Variants in FCHO2 observed in about 807,000 individuals in gnomAD.
The protein encoded by FCHO2 is FCH and mu domain containing endocytic adaptor 2.
FCHO2 carries 43 observed loss-of-function variants against 114.1 expected under a neutral mutation model. The observed-to-expected ratio is 0.38, with a 90% confidence interval of 0.30 to 0.49. The LOEUF (loss-of-function observed/expected upper bound fraction) is 0.49. Among genes scored for constraint, FCHO2 ranks in the 20% least tolerant of loss-of-function variants. FCHO2 has a pLI of 0.97. For synonymous variants in FCHO2, 293 were observed against 315.2 expected (o/e 0.93, Z 0.75); for missense variants, 807 against 950.4 (o/e 0.85, Z 1.98).
At chr5:72,972,181 C>T (rs986124387) in intron 2 of FCHO2, among the ~76,000 whole-genome samples, 27 of 151,950 alleles carry the variant, frequency 1.8e-4, no homozygotes, top group East Asian at 1.4e-3. Flanking sequence ...CTTGGCGATG[C>T]GGGCTCTTTT....
intron 18 of FCHO2, among the ~76,000 whole-genome samples, chr5:73,064,837 CTTCT>C (rs1410672139): frequency 2.6e-5 from 4 of 152,022 alleles, no homozygotes; most frequent in African/African-American, 7.2e-5. Context: ...CACAAATTGA[CTTCT>C]TTCTTTAAGA....
chr5:72,968,651 A>G (rs1325829536), intron 2 of FCHO2, 62 bp downstream of exon 2: 3 of 1,173,726 alleles, frequency 2.6e-6, no homozygotes, highest in Non-Finnish European at 3.5e-6. Flanking sequence ...ATTTTAGAAT[A>G]TAAATAATGG....
chr5:73,020,519 C>T (rs1160109217), intron 8 of FCHO2, among the ~76,000 whole-genome samples: 1 of 152,134 alleles, frequency 6.6e-6, no homozygotes, highest in Non-Finnish European at 1.5e-5. Flanking sequence ...CTGTAATGCC[C>T]TGTTTATGCA....
chr5:73,008,322 TAGTC>T (rs777109130), intron 6 of FCHO2, among the ~76,000 whole-genome samples: 74 of 152,126 alleles, frequency 4.9e-4, no homozygotes, highest in Non-Finnish European at 8.8e-4. Flanking sequence ...GTCAGTATAG[TAGTC>T]AGGTGAGAAG....
chr5:73,082,101 A>G (rs1743114236), intron 23 of FCHO2, 119 bp downstream of exon 23: 1 of 786,052 alleles, frequency 1.3e-6, no homozygotes, highest in African/African-American at 1.8e-5. Context: ...CTTTTTCCAT[A>G]GAAACCACGC....
In FCHO2 at chr5:73,082,087, G is replaced by A. The variant is rs1209858557; in HGVS notation, c.2180+105G>A. Reference sequence around the variant, plus strand: ...TTTCTTAGAAGTTTGAAAAATTTTTGTGCCTTTTTCCATAGAAACCACGCT... The same window carrying A: ...TTTCTTAGAAGTTTGAAAAATTTTTATGCCTTTTTCCATAGAAACCACGCT... On this transcript the variant is annotated intron_variant, in intron 23 of 25. Coordinates refer to ENST00000430046, the MANE Select transcript of FCHO2 (RefSeq NM_138782.3). 20 of 1,095,932 alleles carry A rather than the reference G, an allele frequency of 1.8e-5. No individual in the cohort carries two copies. In the Admixed American group the frequency reaches 2.1e-4, roughly 12 times the overall value. The allele number at this position is 1,095,932 out of a possible 1,614,324, so 67.9% of individuals were successfully genotyped here.
At position 73,041,307 on chromosome 5, in the gene FCHO2, G is replaced by C; in HGVS notation, c.931G>C (p.Asp311His). ...DAESVECPDA[D>H]SLNIPDVDEE... ...TTTTAATAGGGAATGTCCTGATGCA[G>C]ATTCATTGGTAAGTAGATTTAACTT... Residue 311 changes from aspartate to histidine, a missense_variant, in exon 11 of 26, where the codon GAT becomes CAT. Coordinates refer to ENST00000430046, the MANE Select transcript of FCHO2 (RefSeq NM_138782.3). The C allele has an allele frequency of 1.4e-6, 2 of 1,481,176 alleles. No individual in the cohort carries two copies. The highest frequency in any genetic ancestry group is 1.2e-5 in the South Asian group (1 of 86,694). 91.8% of individuals were successfully genotyped at this position (1,481,176 alleles called of 1,614,324 possible). A position where few individuals can be genotyped will look rare whatever the true frequency, so the allele number is the denominator to read the frequency against.
At chr5:73,019,678 C>CTT (rs1755506344) in intron 8 of FCHO2, among the ~76,000 whole-genome samples, 1 of 152,176 alleles carries the variant, frequency 6.6e-6, no homozygotes, top group South Asian at 2.1e-4. Context: ...GCACGTAACA[C>CTT]TAAGTCATAA....
chr5:72,965,676 A>G (rs1752164149), intron 1 of FCHO2, among the ~76,000 whole-genome samples: 1 of 152,202 alleles, frequency 6.6e-6, no homozygotes, highest in South Asian at 2.1e-4. Context: ...TCTTCACTAA[A>G]GGGGCTGTTC....
At chr5:73,060,318 C>CA (rs1290417287) in intron 17 of FCHO2, among the ~76,000 whole-genome samples, 2 of 150,386 alleles carry the variant, frequency 1.3e-5, no homozygotes, top group East Asian at 3.9e-4. Context: ...TTTTGCCTTT[C>CA]AAAAAAAAAG....
chr5:72,988,083 TA>T (rs1753630545), intron 2 of FCHO2, among the ~76,000 whole-genome samples: 1 of 152,080 alleles, frequency 6.6e-6, no homozygotes, highest in Admixed American at 6.6e-5. Context: ...GTTCCCCTAT[TA>T]AGGGTAGCAC....
intron 11 of FCHO2, among the ~76,000 whole-genome samples, chr5:73,043,940 A>G (rs1290955041): frequency 6.6e-6 from 1 of 152,122 alleles, no homozygotes; most frequent in African/African-American, 2.4e-5. Flanking sequence ...CTGTTGTCAA[A>G]TTGTAATCCC....
At chr5:73,061,155 C>G (rs1757834083) in intron 17 of FCHO2, among the ~76,000 whole-genome samples, 1 of 152,012 alleles carries the variant, frequency 6.6e-6, no homozygotes, top group Admixed American at 6.6e-5. Flanking sequence ...ACCACACATA[C>G]ACAGCATTGT....
chr5:73,007,700 A>C (rs560623541), intron 6 of FCHO2, among the ~76,000 whole-genome samples: 2 of 152,252 alleles, frequency 1.3e-5, no homozygotes, highest in Non-Finnish European at 2.9e-5. Flanking sequence ...TATACAGTAC[A>C]TCTGTAAATA....
At chr5:73,051,523 CTTGT>C (rs1757335449) in intron 12 of FCHO2, 117 bp downstream of exon 12, 4 of 628,116 alleles carry the variant, frequency 6.4e-6, no homozygotes, top group Non-Finnish European at 7.7e-6. Flanking sequence ...AATATGGTTC[CTTGT>C]TTGTCATTTG....
In FCHO2 at chr5:73,087,743, G is replaced by T. The variant is rs756201488; in HGVS notation, c.2400G>T (p.Arg800=). 2 of 1,577,036 alleles carry T rather than the reference G, an allele frequency of 1.3e-6. No individual in the cohort carries two copies. The highest frequency in any genetic ancestry group is 1.4e-5 in the African/African-American group (1 of 72,914). The part of the protein sequence containing the change: ...TGYRLSLIKK[R]FATGRYLADC ...ATAGGCTTTCCTTAATAAAGAAGCG[G>T]TTTGCTACTGGTAAGTTAGGAGATT... Residue 800 remains arginine, a synonymous_variant, in exon 25 of 26, where the codon CGG becomes CGT. Coordinates refer to ENST00000430046, the MANE Select transcript of FCHO2 (RefSeq NM_138782.3).
chr5:72,966,237 A>G (rs980181209), intron 1 of FCHO2, among the ~76,000 whole-genome samples: 2 of 152,186 alleles, frequency 1.3e-5, no homozygotes, highest in African/African-American at 2.4e-5. Context: ...TAAAAAACTG[A>G]ATGCTATCCA....
At chr5:72,997,466 G>C in intron 5 of FCHO2, 1 of 1,581,672 alleles carries the variant, frequency 6.3e-7, no homozygotes, top group Admixed American at 1.7e-5. Flanking sequence ...TGTGATCCTG[G>C]CTAACTCTCC....
intron 1 of FCHO2, among the ~76,000 whole-genome samples, chr5:72,960,313 A>AG: frequency 6.6e-6 from 1 of 151,948 alleles, no homozygotes; most frequent in East Asian, 1.9e-4. Flanking sequence ...CTTTGAAGGA[A>AG]AAATTATTCA....
Sources: gnomAD v4.1 joint callset for allele counts (sites outside exome capture counted in the v4.1 genomes callset) on GRCh38, gnomAD v4.1.1 for gene constraint, MANE v1.5 for transcripts, NCBI Gene and HGNC (gene_info 2026-07-23, HGNC 2026-07-21) for gene names.